The following AFF3 variants were observed in gnomAD, a reference collection of about 807,000 sequenced individuals.
AFF3 encodes the protein ALF transcription elongation factor 3, also known as AF4/FMR2 family member 3.
A neutral mutation model predicts 129.7 loss-of-function variants in AFF3; 32 were observed. That is an observed-to-expected ratio of 0.25 (90% CI 0.19 to 0.33). The LOEUF (loss-of-function observed/expected upper bound fraction) is 0.33. Ranked by LOEUF, AFF3 falls within the 10% of genes least tolerant of loss-of-function variation. AFF3 has a pLI of 1.00. For synonymous variants in AFF3, 644 were observed against 635.4 expected, an observed-to-expected ratio of 1.01 and a Z score of -0.20; for missense variants, 1,373 against 1,592.0, an observed-to-expected ratio of 0.86 and a Z score of 2.34.
intron 4 of AFF3, among the ~76,000 whole-genome samples, chr2:100,099,202 A>G (rs1034670951): frequency 6.6e-6 from 1 of 150,430 alleles, no homozygotes; most frequent in Non-Finnish European, 1.5e-5. Context: ...GGACTGACCA[A>G]AAGGATAGGA....
intron 7 of AFF3, among the ~76,000 whole-genome samples, chr2:99,983,103 C>G (rs1403711174): frequency 1.3e-5 from 2 of 152,208 alleles, no homozygotes; most frequent in Non-Finnish European, 2.9e-5. Context: ...GATTGGAACT[C>G]AAGCGTAAGA....
chr2:99,922,739 A>T (rs1449361483), intron 7 of AFF3, among the ~76,000 whole-genome samples: 1 of 152,222 alleles, frequency 6.6e-6, no homozygotes, highest in Non-Finnish European at 1.5e-5. Flanking sequence ...AAGAACTAAA[A>T]GAACCATTAT....
At chr2:99,632,501 C>T (rs1683218119) in intron 13 of AFF3, among the ~76,000 whole-genome samples, 2 of 152,120 alleles carry the variant, frequency 1.3e-5, no homozygotes, top group Admixed American at 1.3e-4. Context: ...CAGCTATGGT[C>T]CGTCCAGGGC....
chr2:100,087,136 T>C (rs1202706857), intron 4 of AFF3, among the ~76,000 whole-genome samples: 2 of 152,088 alleles, frequency 1.3e-5, no homozygotes, highest in Non-Finnish European at 2.9e-5. Context: ...TCTGAATGTA[T>C]TGAAGCAAGG....
intron 7 of AFF3, among the ~76,000 whole-genome samples, chr2:99,874,804 T>C (rs1314617747): frequency 6.6e-6 from 1 of 152,180 alleles, no homozygotes; most frequent in Non-Finnish European, 1.5e-5. Context: ...TGTCTGTGTT[T>C]ATGTAAGAGC....
chr2:99,804,477 A>G (rs1686188520), intron 8 of AFF3, among the ~76,000 whole-genome samples: 1 of 152,202 alleles, frequency 6.6e-6, no homozygotes, highest in African/African-American at 2.4e-5. Context: ...AGACTTATAC[A>G]CTGCTAGTGA....
At chr2:99,877,233 G>C (rs1210141314) in intron 7 of AFF3, among the ~76,000 whole-genome samples, 1 of 152,320 alleles carries the variant, frequency 6.6e-6, no homozygotes, top group Non-Finnish European at 1.5e-5. Flanking sequence ...TTTCTGGGTT[G>C]GATGAATGAC....
At chr2:99,954,771 G>A (rs1026400548) in intron 7 of AFF3, among the ~76,000 whole-genome samples, 1 of 102,942 alleles carries the variant, frequency 9.7e-6, no homozygotes, top group Non-Finnish European at 1.9e-5. Context: ...GTTGTGGGGT[G>A]GGGGGAGGGG....
rs552114807 is a variant in AFF3 at position 100,072,944 on chromosome 2, C to T, written c.53+31458G>A. Reference sequence around the variant, plus strand: ...GCTAGTTCACTCGTTGATTAAAATACGAAGAAGTTATTGTTGGAATGAGAC... The same window carrying T: ...GCTAGTTCACTCGTTGATTAAAATATGAAGAAGTTATTGTTGGAATGAGAC... On this transcript the variant is annotated intron_variant, in intron 4 of 24. Coordinates refer to ENST00000672756, the MANE Select transcript of AFF3 (RefSeq NM_001386135.1). 5.6e-4 allele frequency among the ~76,000 whole-genome samples: 85 copies of T among 152,244 alleles called. 2 individuals are homozygous for T. The highest frequency in any genetic ancestry group is 2.9e-3 in the South Asian group (14 of 4,816).
chr2:100,126,514 C>T (rs1047139737), intron 2 of AFF3, among the ~76,000 whole-genome samples: 2 of 152,170 alleles, frequency 1.3e-5, no homozygotes, highest in Non-Finnish European at 2.9e-5. Context: ...TCTTCCAACC[C>T]ACTAGGGTCC....
intron 18 of AFF3, among the ~76,000 whole-genome samples, chr2:99,575,260 T>C (rs1208414737): frequency 6.6e-6 from 1 of 151,998 alleles, no homozygotes; most frequent in Non-Finnish European, 1.5e-5. Flanking sequence ...GATGCCTATT[T>C]TTGCTTTTTT....
intron 7 of AFF3, among the ~76,000 whole-genome samples, chr2:99,908,206 T>C (rs1416329480): frequency 6.6e-6 from 1 of 152,090 alleles, no homozygotes; most frequent in Non-Finnish European, 1.5e-5. Flanking sequence ...AAAAATAACC[T>C]TTTTTTGGAA....
At chr2:99,643,348 G>A (rs183052651) in intron 13 of AFF3, among the ~76,000 whole-genome samples, 8 of 152,136 alleles carry the variant, frequency 5.3e-5, no homozygotes, top group Non-Finnish European at 8.8e-5. Context: ...ATGAGCTACC[G>A]AGCCCAGCCC....
chr2:99,611,703 A>G (rs1414029315), intron 13 of AFF3, among the ~76,000 whole-genome samples: 2 of 152,080 alleles, frequency 1.3e-5, no homozygotes, highest in Admixed American at 6.6e-5. Flanking sequence ...CCTGGCCAAC[A>G]TGGTAAAACC....
chr2:100,111,793 C>T (rs763201618), intron 2 of AFF3, among the ~76,000 whole-genome samples: 2 of 152,164 alleles, frequency 1.3e-5, no homozygotes, highest in African/African-American at 2.4e-5. Flanking sequence ...ATAATAAGAT[C>T]GCAGAAGCTT....
Position 99,582,789 on chromosome 2 carries a change from T to C in AFF3, c.2793+9A>G. 2.5e-6 allele frequency: 4 copies of C among 1,613,718 alleles called. No individual in the cohort carries two copies. The highest frequency in any genetic ancestry group is 1.7e-4 in the Middle Eastern group (1 of 5,892). On this transcript the variant is annotated intron_variant, in intron 17 of 24. Transcript: ENST00000672756. ...GGTTTTAATTGGGAAAGGAAGAGCA[T>C]CAACAAACCGTGAGGTCTCCGCCGT...
rs554515502 is a variant in AFF3, at chr2:99,719,050, C to CTTTTTTTTT, written c.1091+8018_1091+8026dup. ...ATAGGTGTGAGCCAACGCGCCCGGC[C>CTTTTTTTTT]TTTTTTTTTTTTTTTTTTTTCCTGA... On this transcript the variant is annotated intron_variant, in intron 11 of 24. Coordinates refer to ENST00000672756, the MANE Select transcript of AFF3 (RefSeq NM_001386135.1). 1.8e-5 allele frequency among the ~76,000 whole-genome samples: 2 copies of CTTTTTTTTT among 108,184 alleles called. 1 individual carries two copies. The highest frequency in any genetic ancestry group is 7.2e-5 in the African/African-American group (2 of 27,910). The allele number at this position is 108,184 out of a possible 152,430, so 71.0% of individuals were successfully genotyped here. A position where few individuals can be genotyped will look rare whatever the true frequency, so the allele number is the denominator to read the frequency against.
intron 13 of AFF3, among the ~76,000 whole-genome samples, chr2:99,619,597 G>A (rs967202291): frequency 6.6e-6 from 1 of 152,162 alleles, no homozygotes; most frequent in Non-Finnish European, 1.5e-5. Context: ...TGCATGTCTC[G>A]CCATCAGAAG....
intron 4 of AFF3, among the ~76,000 whole-genome samples, chr2:100,100,636 G>A (rs1278560512): frequency 6.6e-6 from 1 of 152,042 alleles, no homozygotes; most frequent in Non-Finnish European, 1.5e-5. Flanking sequence ...TTCCTCACTT[G>A]ACAATAACAC....
Sources: gnomAD v4.1 joint callset for allele counts (sites outside exome capture counted in the v4.1 genomes callset) on GRCh38, gnomAD v4.1.1 for gene constraint, MANE v1.5 for transcripts, NCBI Gene and HGNC (gene_info 2026-07-23, HGNC 2026-07-21) for gene names.